The following TARS2 variants were observed in gnomAD, a reference collection of about 807,000 sequenced individuals.
The protein encoded by TARS2 is threonyl-tRNA synthetase 2, mitochondrial.
In TARS2, 61 loss-of-function variants were observed where a neutral mutation model predicts 94.4. That is an observed-to-expected ratio of 0.65 (90% CI 0.53 to 0.80). TARS2 has a LOEUF of 0.80. Among genes scored for constraint, TARS2 ranks in the 30% least tolerant of loss-of-function variants. TARS2 has a pLI of 0.00. For missense variants in TARS2, 704 were observed against 902.5 expected, an observed-to-expected ratio of 0.78 and a Z score of 2.82; for synonymous variants, 359 against 353.4, an observed-to-expected ratio of 1.02 and a Z score of -0.18.
intron 7 of TARS2, among the ~76,000 whole-genome samples, chr1:150,492,809 CA>C (rs750302051): frequency 2.9e-3 from 196 of 67,270 alleles, no homozygotes; most frequent in Admixed American, 4.4e-3. Flanking sequence ...GAGTCCATCT[CA>C]AAAAAAAAAA....
In TARS2 at chr1:150,491,308, G is replaced by A. The variant is rs1243645365; in HGVS notation, c.513-86G>A. The A allele has an allele frequency of 3.0e-6, 4 of 1,321,330 alleles. No individual in the cohort carries two copies. In the East Asian group the frequency reaches 9.2e-5, roughly 30 times the overall value. The allele number at this position is 1,321,330 out of a possible 1,614,324, so 81.9% of individuals were successfully genotyped here. A position where few individuals can be genotyped will look rare whatever the true frequency, so the allele number is the denominator to read the frequency against. ...ACTCTAGATTTCTCTTGAAGGACAG[G>A]ACCTTACCCGCTAGCCAACAGGTGT... is the stretch of plus-strand genomic sequence containing the variant. On this transcript the variant is annotated intron_variant, in intron 4 of 17. Transcript: ENST00000369064.
chr1:150,498,092 CAA>C (rs375222621), intron 10 of TARS2, among the ~76,000 whole-genome samples: 32 of 70,760 alleles, frequency 4.5e-4, no homozygotes, highest in Admixed American at 5.1e-4. Flanking sequence ...GACTCCATCT[CAA>C]AAAAAAAAAA....
At chr1:150,489,654 A>T (rs1669293013) in intron 3 of TARS2, among the ~76,000 whole-genome samples, 1 of 152,210 alleles carries the variant, frequency 6.6e-6, no homozygotes, top group Admixed American at 6.5e-5. Flanking sequence ...AAGATAGCTT[A>T]TTCTGGCCAG....
In TARS2 at chr1:150,491,445, T is replaced by TA; in HGVS notation, c.565dup (p.Thr189AsnfsTer24). The TA allele has an allele frequency of 1.9e-6, 3 of 1,613,882 alleles. No homozygotes were observed. Among genetic ancestry groups the TA allele is most frequent in the Non-Finnish European group, 2.5e-6 (3 of 1,180,028 alleles). On this transcript the variant is annotated frameshift_variant, in exon 5 of 18. Coordinates refer to ENST00000369064, the MANE Select transcript of TARS2 (RefSeq NM_025150.5). LOFTEE classifies it high-confidence loss of function. ...TTTTGGAGCGGATTTGCCAGGAACT[T>TA]ACAGCTGCTGCTCGACCCTTCCGGA...
rs587626287 is a variant in TARS2, at chr1:150,497,654, G to C, written c.1145G>C (p.Gly382Ala). The stretch of plus-strand genomic sequence containing the variant: ...GACATGTTTGCCGTGCAGCCCCCAG[G>C]CTCTGACAGGCCTCCCAGCTCCCAG... ...QEDMFAVQPP[G>A]SDRPPSSQSD... is the part of the protein sequence containing the mutation. The change falls in exon 10 of 18, where the codon GGC (glycine) becomes GCC (alanine). Residue 382 changes from glycine to alanine, a missense_variant. Transcript: ENST00000369064. 6.2e-7 allele frequency: 1 copy of C among 1,614,134 alleles called. No homozygotes were observed. Among genetic ancestry groups the C allele is most frequent in the African/African-American group, 1.3e-5 (1 of 75,030 alleles).
chr1:150,502,214 C>T (rs1669955319), intron 13 of TARS2, among the ~76,000 whole-genome samples: 1 of 124,886 alleles, frequency 8.0e-6, no homozygotes, highest in East Asian at 2.1e-4. Flanking sequence ...TCTTGCCCAG[C>T]GTTTTTTTCG....
chr1:150,502,455 G>A (rs1168030366), intron 13 of TARS2, among the ~76,000 whole-genome samples: 4 of 150,004 alleles, frequency 2.7e-5, no homozygotes, highest in East Asian at 2.0e-4. Flanking sequence ...GCACAATCTC[G>A]GCTCACCACA....
chr1:150,487,819 T>C (rs372061813), intron 1 of TARS2, 39 bp from the exon 2 acceptor site: 68 of 1,591,084 alleles, frequency 4.3e-5, no homozygotes, highest in Non-Finnish European at 4.4e-5. Flanking sequence ...GAAAGAATGA[T>C]GGGACGTGTG....
intron 17 of TARS2, 82 bp downstream of exon 17, chr1:150,505,787 A>G: frequency 7.5e-7 from 1 of 1,334,472 alleles, no homozygotes; most frequent in Admixed American, 2.1e-5. Context: ...GGTAATGCAT[A>G]TTTGGGTTAA....
At chr1:150,489,827 A>C (rs1189374598) in intron 3 of TARS2, among the ~76,000 whole-genome samples, 2 of 152,136 alleles carry the variant, frequency 1.3e-5, no homozygotes, top group Non-Finnish European at 2.9e-5. Context: ...TTGTCATCCC[A>C]GCTAATTGAG....
chr1:150,493,695 G>A lies in TARS2; in HGVS notation c.774+1206G>A, dbSNP rs186957183. ...TTGAACCTGGGAGGTGGAGGTTGTG[G>A]CGATCCAAGATCGTGCCATTGCACT... On this transcript the variant is annotated intron_variant, in intron 7 of 17. Coordinates refer to ENST00000369064, the MANE Select transcript of TARS2 (RefSeq NM_025150.5). Among the ~76,000 whole-genome samples the A allele has an allele frequency of 2.6e-5, 4 of 151,828 alleles. No homozygotes were observed. In the East Asian group the frequency reaches 7.8e-4, roughly 30 times the overall value.
chr1:150,506,484 G>GCACACACACACACA (rs777723888), intron 17 of TARS2, among the ~76,000 whole-genome samples: 5 of 93,532 alleles, frequency 5.3e-5, no homozygotes, highest in African/African-American at 1.6e-4. Context: ...AGACACGCGC[G>GCACACACACACACA]CGCACACACA....
chr1:150,502,809 A>G (rs1669985215), intron 13 of TARS2, among the ~76,000 whole-genome samples: 1 of 152,152 alleles, frequency 6.6e-6, no homozygotes, highest in Non-Finnish European at 1.5e-5. Context: ...GTATTTATTT[A>G]CCTGCTTCAC....
intron 6 of TARS2, 85 bp downstream of exon 6, chr1:150,491,747 A>C: frequency 7.1e-7 from 1 of 1,409,580 alleles, no homozygotes; most frequent in Non-Finnish European, 9.9e-7. Context: ...GAAAGATAGA[A>C]GGTAATTTGT....
intron 13 of TARS2, among the ~76,000 whole-genome samples, chr1:150,500,144 T>C (rs1669848021): frequency 6.6e-6 from 1 of 151,660 alleles, no homozygotes; most frequent in South Asian, 2.1e-4. Flanking sequence ...CCCACTGCAC[T>C]CCAGCCTGGG....
At chr1:150,505,487 G>A (rs908220775) in intron 16 of TARS2, 104 bp from the exon 17 acceptor site, 45 of 1,037,728 alleles carry the variant, frequency 4.3e-5, no homozygotes, top group Non-Finnish European at 6.6e-5. Context: ...CCGAGGCAGG[G>A]AAAGGAGGAA....
chr1:150,503,615 A>ATGTGTGTGTG (rs1670043464), intron 13 of TARS2, among the ~76,000 whole-genome samples: 1 of 125,090 alleles, frequency 8.0e-6, no homozygotes, highest in African/African-American at 4.1e-5. Flanking sequence ...GTGTGTATAT[A>ATGTGTGTGTG]TATGTGTGTG....
At chr1:150,488,221 G>A in intron 2 of TARS2, 167 bp downstream of exon 2, 1 of 767,462 alleles carries the variant, frequency 1.3e-6, no homozygotes, top group Non-Finnish European at 2.0e-6. Flanking sequence ...CTTTTATACA[G>A]ACGGGGTCTC....
intron 17 of TARS2, 74 bp downstream of exon 17, chr1:150,505,779 T>G: frequency 6.9e-7 from 1 of 1,445,118 alleles, no homozygotes; most frequent in Non-Finnish European, 9.6e-7. Context: ...CCAAGTCTGG[T>G]AATGCATATT....
Sources: gnomAD v4.1 joint callset for allele counts (sites outside exome capture counted in the v4.1 genomes callset) on GRCh38, gnomAD v4.1.1 for gene constraint, MANE v1.5 for transcripts, NCBI Gene and HGNC (gene_info 2026-07-23, HGNC 2026-07-21) for gene names.